LINGO2: variants seen among roughly 807,000 people sequenced by gnomAD.
LINGO2 encodes the protein leucine-rich repeat and immunoglobulin-like domain-containing nogo receptor-interacting protein 2.
LINGO2 carries 14 observed loss-of-function variants against 30.6 expected under a neutral mutation model. The ratio of observed to expected loss-of-function variants is 0.46; its 90% CI spans 0.30 to 0.72. The LOEUF is 0.72. LINGO2 is among the 30% of genes least tolerant of loss of function. The pLI is 0.07. For synonymous variants in LINGO2, 317 were observed against 288.5 expected, an observed-to-expected ratio of 1.10 and a Z score of -1.00; for missense variants, 729 against 751.7, an observed-to-expected ratio of 0.97 and a Z score of 0.35.
the LINGO2 span, among the ~76,000 whole-genome samples, chr9:28,788,963 AT>A: frequency 6.6e-6 from 1 of 151,962 alleles, no homozygotes; most frequent in Non-Finnish European, 1.5e-5. Flanking sequence ...GAAGTAAAGT[AT>A]TTTTTTTCTA....
chr9:27,965,905 A>T (rs1820078639), intron 5 of LINGO2, among the ~76,000 whole-genome samples: 1 of 152,102 alleles, frequency 6.6e-6, no homozygotes, highest in South Asian at 2.1e-4. Context: ...AGTATAAGGT[A>T]ATGGCTAAAA....
chr9:28,302,046 C>A (rs971237459), intron 3 of LINGO2, among the ~76,000 whole-genome samples: 2 of 152,142 alleles, frequency 1.3e-5, no homozygotes, highest in African/African-American at 4.8e-5. Flanking sequence ...TCCTTACCAC[C>A]AGACCTGCCT....
chr9:29,106,465 G>C, the LINGO2 span, among the ~76,000 whole-genome samples: 1 of 152,044 alleles, frequency 6.6e-6, no homozygotes, highest in African/African-American at 2.4e-5. Flanking sequence ...AGGCACATGG[G>C]AACACACGGA....
At chr9:29,073,563 T>A in the LINGO2 span, among the ~76,000 whole-genome samples, 1 of 152,220 alleles carries the variant, frequency 6.6e-6, no homozygotes, top group Non-Finnish European at 1.5e-5. Flanking sequence ...CGTCAACAAA[T>A]GAAGTTTTAT....
At chr9:28,230,049 C>CA (rs1341472840) in intron 4 of LINGO2, among the ~76,000 whole-genome samples, 1 of 151,730 alleles carries the variant, frequency 6.6e-6, no homozygotes, top group African/African-American at 2.4e-5. Context: ...AACCAAAACT[C>CA]AAAATGCAAG....
chr9:29,060,149 C>T, the LINGO2 span, among the ~76,000 whole-genome samples: 1 of 151,868 alleles, frequency 6.6e-6, no homozygotes, highest in Non-Finnish European at 1.5e-5. Context: ...GCAGCAGGGG[C>T]CATTCACAGA....
the LINGO2 span, among the ~76,000 whole-genome samples, chr9:28,686,342 T>A: frequency 6.6e-6 from 1 of 152,088 alleles, no homozygotes; most frequent in Admixed American, 6.6e-5. Context: ...TCTGGTACTG[T>A]ACATATTATT....
At chr9:29,168,195 C>A in the LINGO2 span, among the ~76,000 whole-genome samples, 1 of 151,212 alleles carries the variant, frequency 6.6e-6, no homozygotes, top group Non-Finnish European at 1.5e-5. Context: ...CCTGTTTCCT[C>A]ATCTCTAAAA....
rs185076790 is a variant in LINGO2, at chr9:28,636,746, G to A, written c.-365+33454C>T. Among the ~76,000 whole-genome samples the A allele has an allele frequency of 1.7e-3, 261 of 152,140 alleles. 1 individual carries two copies. Among genetic ancestry groups the A allele is most frequent in the African/African-American group, 5.8e-3 (242 of 41,514 alleles). On this transcript the variant is annotated intron_variant, in intron 1 of 5. Coordinates refer to ENST00000379992, the Ensembl canonical transcript of LINGO2. ...GTGCTTTGTCAGATGAGTAGATTGC[G>A]AAAATTTTCTCCCATTCTGTAGGTT...
At chr9:28,236,422 C>A (rs888293991) in intron 4 of LINGO2, among the ~76,000 whole-genome samples, 2 of 152,052 alleles carry the variant, frequency 1.3e-5, no homozygotes, top group Non-Finnish European at 2.9e-5. Context: ...CAAAGAAAAA[C>A]GCGGAATAGT....
chr9:28,890,046 C>G, the LINGO2 span, among the ~76,000 whole-genome samples: 1 of 152,038 alleles, frequency 6.6e-6, no homozygotes, highest in African/African-American at 2.4e-5. Context: ...ATTTCATGCA[C>G]TCATGCTTGG....
chr9:28,633,200 G>A (rs901685667), intron 1 of LINGO2, among the ~76,000 whole-genome samples: 3 of 151,928 alleles, frequency 2.0e-5, no homozygotes, highest in South Asian at 2.1e-4. Flanking sequence ...CCAGCCCACT[G>A]ACTCAAATGT....
intron 2 of LINGO2, among the ~76,000 whole-genome samples, chr9:28,418,008 C>A (rs1301394019): frequency 6.6e-6 from 1 of 152,118 alleles, no homozygotes; most frequent in African/African-American, 2.4e-5. Flanking sequence ...AGACTTGAAG[C>A]ACTAAAAACT....
chr9:28,993,065 C>A, the LINGO2 span, among the ~76,000 whole-genome samples: 4 of 152,036 alleles, frequency 2.6e-5, no homozygotes, highest in African/African-American at 7.2e-5. Flanking sequence ...AAAAAAATTC[C>A]TGAATCCAGG....
rs1459934907 is a variant in LINGO2, at chr9:28,148,685, T to A, written c.-86-136280A>T. On this transcript the variant is annotated intron_variant, in intron 4 of 5. Transcript: ENST00000379992. This position sits in a 1 kb window ranked among gnomAD's most constrained non-coding sequence, Gnocchi z 5.1. ...CCAGGTGCCTGCAGTGAGTTTCTACTCCAACGGCCATGGAGTCGCCAGTTC... is the reference window on the plus strand; with the variant it reads ...CCAGGTGCCTGCAGTGAGTTTCTACACCAACGGCCATGGAGTCGCCAGTTC... 1.3e-6 allele frequency: 2 copies of A among 1,533,594 alleles called. No homozygotes were observed. The highest frequency in any genetic ancestry group is 2.7e-5 in the African/African-American group (2 of 72,964). 95.0% of individuals were successfully genotyped at this position (1,533,594 alleles called of 1,614,324 possible).
the LINGO2 span, among the ~76,000 whole-genome samples, chr9:29,188,061 C>T: frequency 1.9e-5 from 2 of 103,920 alleles, no homozygotes; most frequent in Admixed American, 1.3e-4. Flanking sequence ...GGGTGTTTCT[C>T]GCAGAGGGGG....
the LINGO2 span, among the ~76,000 whole-genome samples, chr9:28,684,993 C>T: frequency 2.0e-5 from 3 of 152,100 alleles, no homozygotes; most frequent in Non-Finnish European, 2.9e-5. Context: ...AACCTCCACC[C>T]TCAAGTAGGC....
At chr9:28,327,061 C>T (rs1825255849) in intron 3 of LINGO2, among the ~76,000 whole-genome samples, 1 of 152,052 alleles carries the variant, frequency 6.6e-6, no homozygotes. Flanking sequence ...ATGAGGGCTC[C>T]ACCCTCATGA....
chr9:28,021,320 T>TTC (rs912180916), intron 4 of LINGO2, among the ~76,000 whole-genome samples: 3 of 152,154 alleles, frequency 2.0e-5, no homozygotes, highest in African/African-American at 7.2e-5. Flanking sequence ...CTAGCTGTCT[T>TTC]TCTGTTATTG....
Sources: allele counts gnomAD v4.1 joint callset (sites outside exome capture counted in the v4.1 genomes callset), GRCh38; gene constraint gnomAD v4.1.1; non-coding constraint Gnocchi (gnomAD v3.1); transcripts MANE v1.5; gene names NCBI Gene and HGNC (gene_info 2026-07-23, HGNC 2026-07-21).